The following ACKR2 variants were observed in gnomAD, a reference collection of about 807,000 sequenced individuals.
ACKR2 encodes atypical chemokine receptor 2, also known as C-C chemokine receptor D6.
For missense variants in ACKR2, 457 were observed against 477.3 expected, an observed-to-expected ratio of 0.96 and a Z score of 0.40; for synonymous variants, 207 against 192.2, an observed-to-expected ratio of 1.08 and a Z score of -0.64.
chr3:42,834,615 G>T (rs1357268305), intron 2 of ACKR2: 4 of 151,878 alleles, frequency 2.6e-5, no homozygotes, highest in Admixed American at 1.3e-4. Flanking sequence ...GTCTCACTCT[G>T]TCGCCAGGCT....
intron 2 of ACKR2, among the ~76,000 whole-genome samples, chr3:42,844,869 A>G (rs1255519758): frequency 6.6e-6 from 1 of 152,182 alleles, no homozygotes; most frequent in Non-Finnish European, 1.5e-5. Flanking sequence ...GCAGGGGAGC[A>G]TGGTGCCACC....
intron 2 of ACKR2, among the ~76,000 whole-genome samples, chr3:42,832,603 TC>T (rs1239817558): frequency 6.6e-6 from 1 of 152,080 alleles, no homozygotes; most frequent in Admixed American, 6.6e-5. Context: ...ATTAGGGCAC[TC>T]CATCACCGCA....
At chr3:42,839,113 TC>T (rs1016802178) in intron 2 of ACKR2, 3 of 152,106 alleles carry the variant, frequency 2.0e-5, no homozygotes, top group African/African-American at 7.2e-5. Flanking sequence ...GGTGCTCCCT[TC>T]CTTGGTGCAG....
intron 2 of ACKR2, chr3:42,856,496 A>G: frequency 1.4e-6 from 1 of 693,040 alleles, no homozygotes; most frequent in Non-Finnish European, 2.6e-6. Context: ...TAAAACTTTT[A>G]TCAGAAAGGG....
In ACKR2 at chr3:42,832,575, C is replaced by G. The variant is rs1700941665; in HGVS notation, c.-38+12864C>G. On this transcript the variant is annotated intron_variant, in intron 2 of 2. Coordinates refer to ENST00000422265, the MANE Select transcript of ACKR2 (RefSeq NM_001296.5). ...CAAATTAAGAAAATGCAAAAACCTG[C>G]ACCAGTTCATCTATCAGATTAGGGC... is the stretch of plus-strand genomic sequence containing the variant. Among the ~76,000 whole-genome samples the G allele has an allele frequency of 2.0e-5, 3 of 152,052 alleles. 1 individual carries two copies. The South Asian group carries it at 6.2e-4, about 32-fold the overall frequency.
chr3:42,851,914 G>C (rs1338520465), intron 2 of ACKR2, among the ~76,000 whole-genome samples: 1 of 151,998 alleles, frequency 6.6e-6, no homozygotes, highest in Non-Finnish European at 1.5e-5. Context: ...CCAAATTCTT[G>C]GCCCCCTTCC....
intron 2 of ACKR2, among the ~76,000 whole-genome samples, chr3:42,860,651 T>A (rs1397125321): frequency 6.6e-6 from 1 of 152,190 alleles, no homozygotes; most frequent in East Asian, 1.9e-4. Flanking sequence ...ATGGAAATCA[T>A]AACAAACAGT....
In ACKR2 at chr3:42,853,006, T is replaced by C. The variant is rs369238931; in HGVS notation, c.-37-11460T>C. On this transcript the variant is annotated intron_variant, in intron 2 of 2. Transcript: ENST00000422265. ...TAGAGAGGCGATACCTGTTCACCCC[T>C]TCACGAGGGAGCCAGGAAGACACAG... 7.4e-4 allele frequency among the ~76,000 whole-genome samples: 112 copies of C among 152,208 alleles called. No individual in the cohort carries two copies. The East Asian group carries it at 0.02, about 27-fold the overall frequency.
At chr3:42,828,092 A>ATATTTTTTTTTTTTTT (rs1193533555) in intron 2 of ACKR2, among the ~76,000 whole-genome samples, 3 of 121,902 alleles carry the variant, frequency 2.5e-5, no homozygotes, top group Non-Finnish European at 3.4e-5. Context: ...ATATATATAT[A>ATATTTTTTTTTTTTTT]TTTTTTTTTT....
At chr3:42,829,790 A>C (rs1166546965) in intron 2 of ACKR2, among the ~76,000 whole-genome samples, 1 of 152,142 alleles carries the variant, frequency 6.6e-6, no homozygotes, top group East Asian at 1.9e-4. Context: ...GCCAACTGAG[A>C]GGCAAATGAG....
chr3:42,817,913 A>G (rs1700770094), intron 1 of ACKR2, among the ~76,000 whole-genome samples: 1 of 152,158 alleles, frequency 6.6e-6, no homozygotes. Context: ...ATTCTTTCTT[A>G]GTTACAGTGA....
intron 2 of ACKR2, among the ~76,000 whole-genome samples, chr3:42,846,176 C>T (rs151084953): frequency 1.9e-3 from 287 of 151,650 alleles, no homozygotes; most frequent in African/African-American, 1.4e-3. Flanking sequence ...TAAGCATCAG[C>T]ATTATTGTTC....
rs2088419809 is a variant in ACKR2, at chr3:42,864,973, C to A, written c.471C>A (p.Thr157=). The A allele has an allele frequency of 6.2e-7, 1 of 1,614,024 alleles. No individual in the cohort carries two copies. The highest frequency in any genetic ancestry group is 8.5e-7 in the Non-Finnish European group (1 of 1,180,032). The change falls in exon 3 of 3, where the codon ACC becomes ACA. Residue 157 remains threonine, a synonymous_variant. Coordinates refer to ENST00000422265, the MANE Select transcript of ACKR2 (RefSeq NM_001296.5). ...CTCAGCCCTACCACAGGCTGAGGAC[C>A]CGGGCCAAGAGCCTGCTCCTTGCTA... ...VHAQPYHRLR[T]RAKSLLLATI...
At chr3:42,814,391 T>G (rs756004886) in intron 1 of ACKR2, among the ~76,000 whole-genome samples, 19 of 152,234 alleles carry the variant, frequency 1.2e-4, no homozygotes, top group Non-Finnish European at 2.5e-4. Flanking sequence ...GTCTGCCAGC[T>G]TTGCTATTTT....
chr3:42,862,097 T>C (rs2088390388), intron 2 of ACKR2, among the ~76,000 whole-genome samples: 1 of 152,214 alleles, frequency 6.6e-6, no homozygotes, highest in African/African-American at 2.4e-5. Flanking sequence ...GATGACATGA[T>C]TGTATATTTA....
At chr3:42,853,817 T>G (rs1047267818) in intron 2 of ACKR2, among the ~76,000 whole-genome samples, 1 of 152,238 alleles carries the variant, frequency 6.6e-6, no homozygotes, top group Non-Finnish European at 1.5e-5. Flanking sequence ...GAGGATATGA[T>G]TTCCACATTC....
chr3:42,828,092 A>ATATTTTTTTTTTTTT (rs1193533555), intron 2 of ACKR2, among the ~76,000 whole-genome samples: 1 of 121,902 alleles, frequency 8.2e-6, no homozygotes. Flanking sequence ...ATATATATAT[A>ATATTTTTTTTTTTTT]TTTTTTTTTT....
chr3:42,828,997 A>G (rs1700901605), intron 2 of ACKR2, among the ~76,000 whole-genome samples: 1 of 152,084 alleles, frequency 6.6e-6, no homozygotes, highest in Non-Finnish European at 1.5e-5. Context: ...CTCCTGGGAG[A>G]GGGGAGCATC....
rs1352785906 is a variant in ACKR2 at position 42,864,528 on chromosome 3, C to T, written c.26C>T (p.Pro9Leu). The T allele has an allele frequency of 6.2e-7, 1 of 1,607,260 alleles. No individual in the cohort carries two copies. The highest frequency in any genetic ancestry group is 1.1e-5 in the South Asian group (1 of 90,348). Reference protein sequence around the residue: MAATASPQPLATEDADSEN... With the variant: MAATASPQLLATEDADSEN... ...ATGGCCGCCACTGCCTCTCCGCAGCCACTCGCCACTGAGGATGCCGATTCT... is the reference window on the plus strand; with the variant it reads ...ATGGCCGCCACTGCCTCTCCGCAGCTACTCGCCACTGAGGATGCCGATTCT... The change falls in exon 3 of 3, where the codon CCA (proline) becomes CTA (leucine). Residue 9 changes from proline to leucine, a missense_variant. Pro to Leu is a moderately conservative substitution (Grantham distance 98). Transcript: ENST00000422265.
Sources: allele counts gnomAD v4.1 joint callset (sites outside exome capture counted in the v4.1 genomes callset), GRCh38; gene constraint gnomAD v4.1.1; transcripts MANE v1.5; gene names NCBI Gene and HGNC (gene_info 2026-07-23, HGNC 2026-07-21).